HS6ST3: variants seen among roughly 807,000 people sequenced by gnomAD.
HS6ST3 encodes the protein heparan-sulfate 6-O-sulfotransferase 3.
HS6ST3 carries 12 observed loss-of-function variants against 36.7 expected under a neutral mutation model. The ratio of observed to expected loss-of-function variants is 0.33; its 90% CI spans 0.21 to 0.53. HS6ST3 has a LOEUF of 0.53. Among genes scored for constraint, HS6ST3 ranks in the 20% least tolerant of loss-of-function variants. The pLI is 0.95. For missense variants in HS6ST3, 584 were observed against 640.9 expected (o/e 0.91, Z 0.96); for synonymous variants, 240 against 257.5 (o/e 0.93, Z 0.65).
At chr13:96,400,182 C>G (rs1343552371) in intron 1 of HS6ST3, among the ~76,000 whole-genome samples, 1 of 151,346 alleles carries the variant, frequency 6.6e-6, no homozygotes, top group Non-Finnish European at 1.5e-5. Context: ...CACACACACA[C>G]ACAGACACAT....
intron 1 of HS6ST3, among the ~76,000 whole-genome samples, chr13:96,419,804 C>G (rs1175923916): frequency 6.6e-6 from 1 of 152,132 alleles, no homozygotes; most frequent in Non-Finnish European, 1.5e-5. Flanking sequence ...TAGTCGTCTT[C>G]TCCTCGTGTT....
At chr13:96,196,587 G>A (rs886502927) in intron 1 of HS6ST3, among the ~76,000 whole-genome samples, 2 of 152,088 alleles carry the variant, frequency 1.3e-5, no homozygotes, top group Non-Finnish European at 2.9e-5. Flanking sequence ...TGTGCTTTGA[G>A]GAGCATGCTG....
At chr13:96,653,400 C>T (rs1189344070) in intron 1 of HS6ST3, among the ~76,000 whole-genome samples, 3 of 152,018 alleles carry the variant, frequency 2.0e-5, no homozygotes, top group African/African-American at 4.8e-5. Context: ...TGTTGTTCCC[C>T]TCCTTGTGTC....
chr13:96,424,237 T>C (rs2055575397), intron 1 of HS6ST3, among the ~76,000 whole-genome samples: 1 of 132,998 alleles, frequency 7.5e-6, no homozygotes, highest in Non-Finnish European at 1.7e-5. Context: ...CATATTCACT[T>C]TTATTTTAAT....
At chr13:96,522,188 AATTT>A (rs2056096269) in intron 1 of HS6ST3, among the ~76,000 whole-genome samples, 1 of 152,126 alleles carries the variant, frequency 6.6e-6, no homozygotes, top group African/African-American at 2.4e-5. Flanking sequence ...CCTGAGTTCT[AATTT>A]GATTCCACTA....
intron 1 of HS6ST3, among the ~76,000 whole-genome samples, chr13:96,324,126 G>A (rs1037905497): frequency 8.5e-5 from 13 of 152,160 alleles, no homozygotes; most frequent in Admixed American, 8.5e-4. Context: ...GCTGGACTCA[G>A]AGAGGAAACT....
intron 1 of HS6ST3, among the ~76,000 whole-genome samples, chr13:96,401,196 T>TC (rs1343595712): frequency 6.6e-6 from 1 of 152,128 alleles, no homozygotes; most frequent in African/African-American, 2.4e-5. Context: ...TTACTGCTTT[T>TC]CCCCCCTAAT....
intron 1 of HS6ST3, among the ~76,000 whole-genome samples, chr13:96,728,259 A>G (rs1051152999): frequency 6.6e-6 from 1 of 152,214 alleles, no homozygotes; most frequent in African/African-American, 2.4e-5. Context: ...TCCAGTTGGT[A>G]ATACTCTAAA....
chr13:96,152,304 C>G (rs7985150), intron 1 of HS6ST3, among the ~76,000 whole-genome samples: 118,615 of 146,712 alleles, frequency 0.81, 48,454 homozygotes, highest in East Asian at 0.91. Context: ...ATATTTCCAA[C>G]TGGCCCCTTT....
chr13:96,473,260 G>C lies in HS6ST3; in HGVS notation c.708-359230G>C, dbSNP rs368308536. ...GAAATGGAGACTTAGTTGTTATTAG[G>C]TTATTTTCTTATTGGAAAAACTAAG... On this transcript the variant is annotated intron_variant, in intron 1 of 1. Coordinates refer to ENST00000376705, the MANE Select transcript of HS6ST3 (RefSeq NM_153456.4). Among the ~76,000 whole-genome samples the C allele has an allele frequency of 9.2e-5, 14 of 152,260 alleles. No homozygotes were observed. In the East Asian group the frequency reaches 1.4e-3, roughly 15 times the overall value.
intron 1 of HS6ST3, among the ~76,000 whole-genome samples, chr13:96,802,950 C>G (rs1472596755): frequency 6.6e-6 from 1 of 152,118 alleles, no homozygotes; most frequent in Non-Finnish European, 1.5e-5. Flanking sequence ...CACATCTTGT[C>G]CAAGCTCACA....
chr13:96,669,998 C>G (rs887541591), intron 1 of HS6ST3, among the ~76,000 whole-genome samples: 3 of 151,916 alleles, frequency 2.0e-5, no homozygotes, highest in Non-Finnish European at 4.4e-5. Flanking sequence ...TTTTTAAAGC[C>G]ATGAAATTGG....
intron 1 of HS6ST3, among the ~76,000 whole-genome samples, chr13:96,102,867 A>T (rs2053824497): frequency 6.6e-6 from 1 of 152,240 alleles, no homozygotes; most frequent in Non-Finnish European, 1.5e-5. Flanking sequence ...GAGATGGAAA[A>T]CAGGCAAAGG....
chr13:96,304,853 G>T (rs2054904441), intron 1 of HS6ST3, among the ~76,000 whole-genome samples: 1 of 151,462 alleles, frequency 6.6e-6, no homozygotes, highest in African/African-American at 2.4e-5. Flanking sequence ...TGGGACTACA[G>T]GCACCTGCCA....
At chr13:96,254,488 T>C (rs1436921951) in intron 1 of HS6ST3, among the ~76,000 whole-genome samples, 12 of 13,910 alleles carry the variant, frequency 8.6e-4, no homozygotes, top group African/African-American at 2.8e-3. Flanking sequence ...TATATATATA[T>C]ATATATATAT....
chr13:96,475,367 C>T (rs572188112), intron 1 of HS6ST3, among the ~76,000 whole-genome samples: 3 of 152,204 alleles, frequency 2.0e-5, no homozygotes, highest in South Asian at 4.1e-4. Flanking sequence ...GCTATTAGAA[C>T]AGGTTCCAGG....
chr13:96,624,636 T>C (rs896144658), intron 1 of HS6ST3, among the ~76,000 whole-genome samples: 1 of 152,152 alleles, frequency 6.6e-6, no homozygotes, highest in Non-Finnish European at 1.5e-5. Context: ...TGTGTACTGT[T>C]CCATCTTTAT....
intron 1 of HS6ST3, among the ~76,000 whole-genome samples, chr13:96,187,104 A>G (rs1372130482): frequency 6.6e-6 from 1 of 152,168 alleles, no homozygotes; most frequent in Non-Finnish European, 1.5e-5. Context: ...CATGTCCTCT[A>G]CTTTGGTACT....
At position 96,221,496 on chromosome 13, in the gene HS6ST3, A is replaced by G. The variant is rs547878182; in HGVS notation, c.707+129927A>G. Reference sequence around the variant, plus strand: ...AATAAATATTTTTTGAGTGAATGTGATCTGATTCTAATTAACTGCAGTGGG... The same window carrying G: ...AATAAATATTTTTTGAGTGAATGTGGTCTGATTCTAATTAACTGCAGTGGG... On this transcript the variant is annotated intron_variant, in intron 1 of 1. Transcript: ENST00000376705. 2.2e-4 allele frequency among the ~76,000 whole-genome samples: 33 copies of G among 152,238 alleles called. No homozygotes were observed. In the South Asian group the frequency reaches 6.4e-3, roughly 30 times the overall value.
Sources: allele counts gnomAD v4.1 joint callset (sites outside exome capture counted in the v4.1 genomes callset), GRCh38; gene constraint gnomAD v4.1.1; transcripts MANE v1.5; gene names NCBI Gene and HGNC (gene_info 2026-07-23, HGNC 2026-07-21).